Variants in SGCZ observed in about 807,000 individuals in gnomAD.
The protein encoded by SGCZ is zeta-sarcoglycan.
A neutral mutation model predicts 41.3 loss-of-function variants in SGCZ; 40 were observed. That is an observed-to-expected ratio of 0.97 (90% CI 0.75 to 1.26). SGCZ has a LOEUF of 1.26. SGCZ is among the 50% of genes most tolerant of loss of function. The pLI is 0.00. For synonymous variants in SGCZ, 206 were observed against 137.5 expected (o/e 1.50, Z -3.49); for missense variants, 552 against 369.8 (o/e 1.49, Z -4.04).
intron 2 of SGCZ, among the ~76,000 whole-genome samples, chr8:14,459,130 A>G (rs953966502): frequency 6.6e-6 from 1 of 152,166 alleles, no homozygotes. Context: ...ACATGGATGA[A>G]GCTGGAAACC....
intron 2 of SGCZ, among the ~76,000 whole-genome samples, chr8:14,420,250 G>C (rs1213973056): frequency 2.6e-5 from 4 of 151,666 alleles, no homozygotes; most frequent in Non-Finnish European, 5.9e-5. Flanking sequence ...TTCTCCTAAA[G>C]AAGACTAATA....
intron 1 of SGCZ, among the ~76,000 whole-genome samples, chr8:14,577,025 A>T (rs1274054413): frequency 1.3e-5 from 2 of 152,252 alleles, no homozygotes; most frequent in African/African-American, 2.4e-5. Flanking sequence ...ATATGAAAAT[A>T]TCTAAACTGT....
chr8:14,437,134 G>C (rs1800116367), intron 2 of SGCZ, among the ~76,000 whole-genome samples: 1 of 152,100 alleles, frequency 6.6e-6, no homozygotes, highest in South Asian at 2.1e-4. Context: ...AATTCTGCAT[G>C]ACTCGGAACA....
chr8:14,194,912 C>T (rs543563637), intron 4 of SGCZ, among the ~76,000 whole-genome samples: 3 of 152,014 alleles, frequency 2.0e-5, no homozygotes, highest in African/African-American at 7.2e-5. Flanking sequence ...TTACACCTAG[C>T]AATGCTATGA....
chr8:15,031,366 C>T (rs1803656523), intron 1 of SGCZ, among the ~76,000 whole-genome samples: 1 of 152,126 alleles, frequency 6.6e-6, no homozygotes, highest in South Asian at 2.1e-4. Context: ...TGCCACTCAT[C>T]AGGCAGTAGA....
At chr8:14,651,384 G>A (rs1807393787) in intron 1 of SGCZ, among the ~76,000 whole-genome samples, 1 of 152,028 alleles carries the variant, frequency 6.6e-6, no homozygotes, top group Admixed American at 6.6e-5. Context: ...ATATGAACAT[G>A]TCTGAAATGA....
At chr8:14,943,392 G>C (rs1398139437) in intron 1 of SGCZ, among the ~76,000 whole-genome samples, 1 of 152,140 alleles carries the variant, frequency 6.6e-6, no homozygotes, top group Non-Finnish European at 1.5e-5. Flanking sequence ...CTTGTATTCT[G>C]AGTGGAGCCA....
chr8:14,789,220 CA>C (rs532051832), intron 1 of SGCZ, among the ~76,000 whole-genome samples: 2 of 151,324 alleles, frequency 1.3e-5, no homozygotes, highest in African/African-American at 2.4e-5. Flanking sequence ...GCACAAGATG[CA>C]AAAAAAGTGT....
intron 1 of SGCZ, among the ~76,000 whole-genome samples, chr8:15,211,616 A>C (rs1160632853): frequency 2.6e-5 from 4 of 152,060 alleles, no homozygotes; most frequent in Non-Finnish European, 4.4e-5. Context: ...CTTCCTTTTC[A>C]CTGGAAAACA....
chr8:14,530,257 CT>C (rs1276252448), intron 2 of SGCZ, among the ~76,000 whole-genome samples: 1 of 151,874 alleles, frequency 6.6e-6, no homozygotes, highest in Non-Finnish European at 1.5e-5. Flanking sequence ...AGAGTAATGC[CT>C]TTTGGTCCTC....
chr8:14,514,946 T>A (rs905355837), intron 2 of SGCZ, among the ~76,000 whole-genome samples: 1 of 151,846 alleles, frequency 6.6e-6, no homozygotes, highest in African/African-American at 2.4e-5. Context: ...GTAGAATATT[T>A]CAAGTGAACA....
At chr8:14,684,958 T>A (rs1001580525) in intron 1 of SGCZ, among the ~76,000 whole-genome samples, 2 of 152,170 alleles carry the variant, frequency 1.3e-5, no homozygotes, top group Non-Finnish European at 2.9e-5. Context: ...ATTAAATTTC[T>A]AAATGTACAA....
chr8:14,305,913 C>G (rs1801335324), intron 3 of SGCZ, among the ~76,000 whole-genome samples: 1 of 152,204 alleles, frequency 6.6e-6, no homozygotes, highest in African/African-American at 2.4e-5. Context: ...ACCACGTGTT[C>G]AAGCCCGGAC....
At chr8:14,514,423 A>G (rs1236442537) in intron 2 of SGCZ, among the ~76,000 whole-genome samples, 12 of 152,006 alleles carry the variant, frequency 7.9e-5, no homozygotes, top group Non-Finnish European at 1.0e-4. Flanking sequence ...GACATCTCTT[A>G]TAACTTAGAG....
chr8:14,336,102 G>T (rs1299457025), intron 2 of SGCZ, among the ~76,000 whole-genome samples: 1 of 151,756 alleles, frequency 6.6e-6, no homozygotes, highest in Non-Finnish European at 1.5e-5. Flanking sequence ...AGTGTATATT[G>T]TTTCCCCCAT....
chr8:14,515,758 A>T (rs1415527375), intron 2 of SGCZ, among the ~76,000 whole-genome samples: 2 of 152,106 alleles, frequency 1.3e-5, no homozygotes, highest in African/African-American at 4.8e-5. Flanking sequence ...TACACTTCCA[A>T]TAATGGTAGC....
At chr8:14,752,645 A>T (rs1034470175) in intron 1 of SGCZ, among the ~76,000 whole-genome samples, 1 of 152,246 alleles carries the variant, frequency 6.6e-6, no homozygotes, top group African/African-American at 2.4e-5. Context: ...TTTGCAAAAT[A>T]AATGAACTAG....
At chr8:14,110,699 A>AAATC (rs1442212569) in intron 5 of SGCZ, among the ~76,000 whole-genome samples, 3 of 152,168 alleles carry the variant, frequency 2.0e-5, no homozygotes, top group Non-Finnish European at 4.4e-5. Context: ...ATCTTAAAGG[A>AAATC]AATCAGTAAG....
intron 2 of SGCZ, among the ~76,000 whole-genome samples, chr8:14,394,532 C>G (rs1454312983): frequency 6.6e-6 from 1 of 152,116 alleles, no homozygotes; most frequent in African/African-American, 2.4e-5. Flanking sequence ...CATCTTGAGA[C>G]AAAGTTTGAT....
Sources: allele counts gnomAD v4.1 joint callset (sites outside exome capture counted in the v4.1 genomes callset), GRCh38; gene constraint gnomAD v4.1.1; transcripts MANE v1.5; gene names NCBI Gene and HGNC (gene_info 2026-07-23, HGNC 2026-07-21).